The following TLR8 variants were observed in gnomAD, a reference collection of about 807,000 sequenced individuals.
The protein encoded by TLR8 is toll like receptor 8, also known as toll-like receptor 8.
Under a neutral mutation model 18.5 loss-of-function variants are expected in TLR8, and 5 were observed. The ratio of observed to expected loss-of-function variants is 0.27; its 90% CI spans 0.14 to 0.57. The LOEUF (loss-of-function observed/expected upper bound fraction) is 0.57, where lower values mean the gene tolerates loss of function less well. Ranked by LOEUF, TLR8 falls within the 20% of genes least tolerant of loss-of-function variation. The probability of loss-of-function intolerance (pLI) is 0.92; values close to 1 mark genes in which losing one functional copy is unlikely to be tolerated. For synonymous variants in TLR8, 299 were observed against 300.1 expected, an observed-to-expected ratio of 1.00 and a Z score of 0.04; for missense variants, 543 against 769.8, an observed-to-expected ratio of 0.71 and a Z score of 3.49.
chrX:12,910,589 T>TCC lies in TLR8; in HGVS notation c.3+3883_3+3884dup. ...CTGGTCTCCGCCCTGGCTGCAGCCCTCCCCTTCAGGCGAATTCTGGGTGTG... is the reference window on the plus strand; with the variant it reads ...CTGGTCTCCGCCCTGGCTGCAGCCCTCCCCCCTTCAGGCGAATTCTGGGTGTG... On this transcript the variant is annotated intron_variant, in intron 1 of 1. Coordinates refer to ENST00000218032, the MANE Select transcript of TLR8 (RefSeq NM_138636.5). 4.8e-6 allele frequency: 3 copies of TCC among 623,024 alleles called. 1 individual carries two copies. The highest frequency in any genetic ancestry group is 7.3e-6 in the Non-Finnish European group (3 of 410,336). 51.3% of individuals were successfully genotyped at this position (623,024 alleles called of 1,213,427 possible).
rs5741889 is a variant in TLR8 at position 12,922,225 on chromosome X, A to G, written c.*59A>G. On this transcript the variant is annotated 3_prime_UTR_variant, in exon 2 of 2. Coordinates refer to ENST00000218032, the MANE Select transcript of TLR8 (RefSeq NM_138636.5). ...AGATGCAAAGGAATGACATTTCTGT[A>G]TTAGTTATCTATTGCTATGTAACAA... 2.7e-6 allele frequency: 3 copies of G among 1,127,971 alleles called. No individual in the cohort carries two copies. The highest frequency in any genetic ancestry group is 3.5e-6 in the Non-Finnish European group (3 of 851,275). 93.0% of individuals were successfully genotyped at this position (1,127,971 alleles called of 1,213,427 possible).
At chrX:12,912,729 A>C (rs1188844373) in intron 1 of TLR8, among the ~76,000 whole-genome samples, 1 of 112,792 alleles carries the variant, frequency 8.9e-6, no homozygotes, top group East Asian at 2.8e-4. Context: ...TCTTAACTAA[A>C]AAATGTCTTT....
intron 1 of TLR8, among the ~76,000 whole-genome samples, chrX:12,918,037 AAAT>A (rs1201267096): frequency 2.7e-5 from 3 of 112,339 alleles, no homozygotes; most frequent in Non-Finnish European, 3.8e-5. Context: ...TGCAAAATAT[AAAT>A]AATAAGAGGA....
rs149600337 is a variant in TLR8 at position 12,920,855 on chromosome X, G to T, written c.1815G>T (p.Leu605=). 390 of 1,209,801 alleles carry T rather than the reference G, an allele frequency of 3.2e-4. No individual in the cohort carries two copies. The highest frequency in any genetic ancestry group is 4.6e-4 in the Admixed American group (21 of 45,740). Residue 605 remains leucine (L), a synonymous_variant, in exon 2 of 2, where the codon CTG becomes CTT. Coordinates refer to ENST00000218032, the MANE Select transcript of TLR8 (RefSeq NM_138636.5). ...NIYTLTDKYN[L]ESKSLVELVF... The stretch of plus-strand genomic sequence containing the variant: ...ATACTTTAACAGATAAGTATAACCT[G>T]GAAAGCAAGTCCCTGGTAGAATTAG...
intron 1 of TLR8, among the ~76,000 whole-genome samples, chrX:12,915,168 CT>C (rs769562893): frequency 1.8e-5 from 2 of 110,907 alleles, no homozygotes; most frequent in African/African-American, 6.6e-5. Context: ...CTACTCTGGC[CT>C]TTTTTTCCTT....
intron 1 of TLR8, chrX:12,910,458 T>C: frequency 8.6e-7 from 1 of 1,166,261 alleles, no homozygotes; most frequent in African/African-American, 1.8e-5. Flanking sequence ...AAGCTGTTAA[T>C]TCCAGGAAGA....
chrX:12,910,600 C>T (rs188081128), intron 1 of TLR8, among the ~76,000 whole-genome samples: 2 of 112,353 alleles, frequency 1.8e-5, no homozygotes, highest in Non-Finnish European at 3.8e-5. Context: ...CCCCTTCAGG[C>T]GAATTCTGGG....
At chrX:12,916,309 T>C (rs768937130) in intron 1 of TLR8, among the ~76,000 whole-genome samples, 1 of 112,191 alleles carries the variant, frequency 8.9e-6, no homozygotes, top group African/African-American at 3.2e-5. Context: ...AATTCATATA[T>C]TGTGAGTGTA....
chrX:12,920,611 C>A lies in TLR8; in HGVS notation c.1571C>A (p.Thr524Asn). 2 of 1,211,108 alleles carry A rather than the reference C, an allele frequency of 1.7e-6. No individual in the cohort carries two copies. The highest frequency in any genetic ancestry group is 2.2e-6 in the Non-Finnish European group (2 of 895,137). ...ANSNAQVLSG[T>N]EFSAIPHVKY... ...AGCAATGCTCAAGTGTTAAGTGGAACTGAATTTTCAGCCATTCCTCATGTC... is the reference window on the plus strand; with the variant it reads ...AGCAATGCTCAAGTGTTAAGTGGAAATGAATTTTCAGCCATTCCTCATGTC... Residue 524 changes from threonine (T) to asparagine (N), a missense_variant, in exon 2 of 2, where the codon ACT becomes AAT. This residue lies in a region of TLR8 where 185 missense variants were observed against 298.9 expected (regional missense o/e 0.62). Transcript: ENST00000218032.
chrX:12,919,158 A>G lies in TLR8; in HGVS notation c.118A>G (p.Lys40Glu). ...TAGAAGCTATCCTTGTGATGAGAAAAAGCAAAATGACTCAGTTATTGCAGA... is the reference window on the plus strand; with the variant it reads ...TAGAAGCTATCCTTGTGATGAGAAAGAGCAAAATGACTCAGTTATTGCAGA... Reference protein sequence around the residue: ...FSRSYPCDEKKQNDSVIAECS... With the variant: ...FSRSYPCDEKEQNDSVIAECS... Residue 40 changes from lysine to glutamate, a missense_variant, in exon 2 of 2, where the codon AAG (lysine) becomes GAG (glutamate). This residue lies in a region of TLR8 where 117 missense variants were observed against 111.0 expected (regional missense o/e 1.05). Coordinates refer to ENST00000218032, the MANE Select transcript of TLR8 (RefSeq NM_138636.5). 8.3e-7 allele frequency: 1 copy of G among 1,211,944 alleles called. No homozygotes were observed. Among genetic ancestry groups the G allele is most frequent in the Non-Finnish European group, 1.1e-6 (1 of 895,591 alleles).
At chrX:12,909,217 G>A (rs1172539947) in intron 1 of TLR8, among the ~76,000 whole-genome samples, 1 of 112,022 alleles carries the variant, frequency 8.9e-6, no homozygotes, top group East Asian at 2.8e-4. Flanking sequence ...CTCGGCCTGC[G>A]GGCTGCATAT....
At chrX:12,916,760 T>C (rs1426377767) in intron 1 of TLR8, among the ~76,000 whole-genome samples, 1 of 112,202 alleles carries the variant, frequency 8.9e-6, no homozygotes, top group Non-Finnish European at 1.9e-5. Context: ...ACTCCAAGTC[T>C]CATAAAGCCA....
At chrX:12,912,440 G>GT (rs920428799) in intron 1 of TLR8, among the ~76,000 whole-genome samples, 10 of 113,277 alleles carry the variant, frequency 8.8e-5, no homozygotes, top group African/African-American at 3.2e-4. Context: ...GGGACCTGGG[G>GT]TTCCCCCATG....
intron 1 of TLR8, among the ~76,000 whole-genome samples, chrX:12,910,078 A>G (rs147591712): frequency 3.6e-5 from 4 of 112,321 alleles, no homozygotes; most frequent in African/African-American, 9.7e-5. Flanking sequence ...TCTATTATTA[A>G]TTGTAAATTT....
At chrX:12,910,992 G>C (rs2043017421) in intron 1 of TLR8, among the ~76,000 whole-genome samples, 2 of 109,196 alleles carry the variant, frequency 1.8e-5, no homozygotes, top group African/African-American at 6.7e-5. Context: ...TTAAAGAAGT[G>C]GGTTTTGCTT....
At position 12,922,330 on chromosome X, in the gene TLR8, T is replaced by C. The variant is rs2043101975; in HGVS notation, c.*164T>C. 9.9e-6 allele frequency: 6 copies of C among 607,422 alleles called. No individual in the cohort carries two copies. In the East Asian group the frequency reaches 1.1e-4, roughly 11 times the overall value. 50.1% of individuals were successfully genotyped at this position (607,422 alleles called of 1,213,427 possible). A position where few individuals can be genotyped will look rare whatever the true frequency, so the allele number is the denominator to read the frequency against. On this transcript the variant is annotated 3_prime_UTR_variant, in exon 2 of 2. Transcript: ENST00000218032. ...GAGGGTCAGGAGTCCAGGCCCAGCATAACTGGGTCCTCTGCTCAGGGTGTC... is the reference window on the plus strand; with the variant it reads ...GAGGGTCAGGAGTCCAGGCCCAGCACAACTGGGTCCTCTGCTCAGGGTGTC...
chrX:12,915,839 C>T (rs1221427764), intron 1 of TLR8, among the ~76,000 whole-genome samples: 1 of 111,966 alleles, frequency 8.9e-6, no homozygotes, highest in African/African-American at 3.2e-5. Flanking sequence ...GTGCCTTACA[C>T]ATGCCTACTC....
In TLR8 at chrX:12,921,126, C is replaced by A; in HGVS notation, c.2086C>A (p.Arg696Ser). 3.3e-6 allele frequency: 4 copies of A among 1,211,344 alleles called. No homozygotes were observed. The highest frequency in any genetic ancestry group is 1.8e-5 in the South Asian group (1 of 56,975). ...TCCTCGTCTCGAGTTGCTTGACTTA[C>A]GTGGAAACAAACTACTCTTTTTAAC... ...QFPRLELLDL[R>S]GNKLLFLTDS... Residue 696 changes from arginine to serine, a missense_variant, in exon 2 of 2, where the codon CGT becomes AGT. Around this residue, in one of 4 missense-constraint regions of TLR8, gnomAD observed 227 missense variants for 312.9 expected, o/e 0.73. Transcript: ENST00000218032.
chrX:12,918,951 T>A, intron 1 of TLR8, 93 bp from the exon 2 acceptor site: 1 of 962,072 alleles, frequency 1.0e-6, no homozygotes, highest in East Asian at 3.1e-5. Flanking sequence ...TCAAAATTCA[T>A]ACAAGTATGG....
Sources: gnomAD v4.1 joint callset for allele counts (sites outside exome capture counted in the v4.1 genomes callset) on GRCh38, gnomAD v4.1.1 for gene constraint, gnomAD v4.1.1 regional missense constraint, MANE v1.5 for transcripts, NCBI Gene and HGNC (gene_info 2026-07-23, HGNC 2026-07-21) for gene names.